ALK: variants seen among roughly 807,000 people sequenced by gnomAD.
The protein encoded by ALK is ALK tyrosine kinase receptor.
In ALK, 74 loss-of-function variants were observed where a neutral mutation model predicts 163.1. The observed-to-expected ratio is 0.45, with a 90% CI of 0.38 to 0.55. ALK has a LOEUF of 0.55. Among genes scored for constraint, ALK ranks in the 20% least tolerant of loss-of-function variants. The probability of loss-of-function intolerance (pLI) is 0.00; values close to 1 mark genes in which losing one functional copy is unlikely to be tolerated. For synonymous variants in ALK, 960 were observed against 843.2 expected, an observed-to-expected ratio of 1.14 and a Z score of -2.40; for missense variants, 2,063 against 2,105.3, an observed-to-expected ratio of 0.98 and a Z score of 0.39.
intron 4 of ALK, among the ~76,000 whole-genome samples, chr2:29,446,265 G>T (rs1280702559): frequency 6.6e-6 from 1 of 151,932 alleles, no homozygotes. Context: ...GAGCAACAAG[G>T]CTCTGAGGTC....
chr2:29,759,492 C>T (rs1265679350), intron 1 of ALK, among the ~76,000 whole-genome samples: 1 of 152,162 alleles, frequency 6.6e-6, no homozygotes, highest in African/African-American at 2.4e-5. Flanking sequence ...AGGAATGTCA[C>T]TTTGATTTAG....
chr2:29,718,359 T>G (rs1291677587), intron 1 of ALK, among the ~76,000 whole-genome samples: 1 of 152,222 alleles, frequency 6.6e-6, no homozygotes, highest in East Asian at 1.9e-4. Context: ...GTGGATTTTG[T>G]GTGGTGAAAA....
chr2:29,717,126 C>T (rs565995162), intron 2 of ALK, among the ~76,000 whole-genome samples: 11 of 141,078 alleles, frequency 7.8e-5, no homozygotes, highest in Middle Eastern at 3.8e-3. Flanking sequence ...GGGCCGAGAT[C>T]GTGCCACTGC....
At chr2:29,352,997 A>T (rs1170734123) in intron 5 of ALK, among the ~76,000 whole-genome samples, 2 of 150,208 alleles carry the variant, frequency 1.3e-5, no homozygotes, top group Non-Finnish European at 3.0e-5. Flanking sequence ...TTCCCAAAAC[A>T]AACCTCCTTC....
chr2:29,471,077 A>T (rs1671336485), intron 4 of ALK, among the ~76,000 whole-genome samples: 1 of 152,162 alleles, frequency 6.6e-6, no homozygotes, highest in Non-Finnish European at 1.5e-5. Context: ...TGGAATACAC[A>T]ATTAAGTAGG....
chr2:29,245,077 CT>C (rs1664624689), intron 12 of ALK, among the ~76,000 whole-genome samples: 1 of 148,282 alleles, frequency 6.7e-6, no homozygotes, highest in Admixed American at 6.7e-5. Flanking sequence ...GTATGGCTCA[CT>C]GCCCTGCACA....
At chr2:29,289,450 A>G (rs1410916328) in intron 9 of ALK, among the ~76,000 whole-genome samples, 1 of 152,208 alleles carries the variant, frequency 6.6e-6, no homozygotes, top group Non-Finnish European at 1.5e-5. Flanking sequence ...ATTTTCTCCC[A>G]GTTCAAAGAA....
At position 29,264,687 on chromosome 2, in the gene ALK, C is replaced by T. The variant is rs1161733623; in HGVS notation, c.2041+10412G>A. On this transcript the variant is annotated intron_variant, in intron 11 of 28. Coordinates refer to ENST00000389048, the MANE Select transcript of ALK (RefSeq NM_004304.5). ...AACAGAGTAGCCCAAATGCCATCTC[C>T]AAACCCACCTGAGTGGTCAGAAGGA... Among the ~76,000 whole-genome samples the T allele has an allele frequency of 2.0e-5, 3 of 152,222 alleles. No individual in the cohort carries two copies. In the East Asian group the frequency reaches 5.8e-4, roughly 29 times the overall value.
At chr2:29,442,853 G>C (rs1299448147) in intron 4 of ALK, among the ~76,000 whole-genome samples, 1 of 152,202 alleles carries the variant, frequency 6.6e-6, no homozygotes, top group African/African-American at 2.4e-5. Flanking sequence ...AAAACATAGT[G>C]TTAGACAAAT....
chr2:29,567,669 C>G lies in ALK; in HGVS notation c.953-35553G>C, dbSNP rs542358452. ...ATTGCACAGACTCCCCGAAACCATT[C>G]CCAAGGTGCGTCTGGCCACGTTTCC... On this transcript the variant is annotated intron_variant, in intron 3 of 28. Transcript: ENST00000389048. Among the ~76,000 whole-genome samples, 509 of 152,184 alleles carry G rather than the reference C, an allele frequency of 3.3e-3. 2 individuals are homozygous for G. Among genetic ancestry groups the G allele is most frequent in the Non-Finnish European group, 4.8e-3 (328 of 68,006 alleles).
At position 29,421,917 on chromosome 2, in the gene ALK, C is replaced by T. The variant is rs1364310517; in HGVS notation, c.1155-38058G>A. Reference sequence around the variant, plus strand: ...TATCTTGAGGAAGAACTTTTGTTTGCTAGAAATTCTAGAAAAGCAATTCAT... The same window carrying T: ...TATCTTGAGGAAGAACTTTTGTTTGTTAGAAATTCTAGAAAAGCAATTCAT... On this transcript the variant is annotated intron_variant, in intron 4 of 28. Transcript: ENST00000389048. Among the ~76,000 whole-genome samples, 2 of 151,670 alleles carry T rather than the reference C, an allele frequency of 1.3e-5. 1 individual carries two copies. Among genetic ancestry groups the T allele is most frequent in the Non-Finnish European group, 2.9e-5 (2 of 68,036 alleles).
At position 29,220,710 on chromosome 2, in the gene ALK, C is replaced by T. The variant is rs750194005; in HGVS notation, c.3641G>A (p.Arg1214His). 6.2e-6 allele frequency: 10 copies of T among 1,613,432 alleles called. No individual in the cohort carries two copies. The East Asian group carries it at 6.7e-5, about 11-fold the overall frequency. ...CAAAGACTGGTTCTCACTCACCGGG[C>T]GAGGGCGGGTCTCTCGGAGGAAGGA... Reference protein sequence around the residue: ...LKSFLRETRPRPSQPSSLAML... With the variant: ...LKSFLRETRPHPSQPSSLAML... The change falls in exon 23 of 29, where the codon CGC becomes CAC. Residue 1214 changes from arginine to histidine, a missense_variant. Arg to His is a conservative substitution (Grantham distance 29, BLOSUM62 0). Coordinates refer to ENST00000389048, the MANE Select transcript of ALK (RefSeq NM_004304.5).
chr2:29,441,025 G>T (rs1338641063), intron 4 of ALK, among the ~76,000 whole-genome samples: 2 of 152,158 alleles, frequency 1.3e-5, no homozygotes, highest in African/African-American at 4.8e-5. Context: ...CTTGGACTTG[G>T]ACTTCCCATC....
At chr2:29,454,016 C>T (rs1045676990) in intron 4 of ALK, among the ~76,000 whole-genome samples, 1 of 152,140 alleles carries the variant, frequency 6.6e-6, no homozygotes, top group Non-Finnish European at 1.5e-5. Flanking sequence ...AAGAGTTCTC[C>T]AGCTTTTGGT....
chr2:29,200,744 T>TATATGTAC, intron 26 of ALK, among the ~76,000 whole-genome samples: 1 of 108,798 alleles, frequency 9.2e-6, no homozygotes, highest in African/African-American at 6.2e-5. Flanking sequence ...TATATACGTA[T>TATATGTAC]ATATATACGT....
intron 4 of ALK, among the ~76,000 whole-genome samples, chr2:29,384,752 C>T (rs780122288): frequency 6.6e-6 from 1 of 152,014 alleles, no homozygotes; most frequent in Non-Finnish European, 1.5e-5. Flanking sequence ...TCCTTAAAAA[C>T]AATTTTATTG....
intron 1 of ALK, among the ~76,000 whole-genome samples, chr2:29,831,730 C>T (rs1163903609): frequency 6.6e-6 from 1 of 152,136 alleles, no homozygotes; most frequent in Non-Finnish European, 1.5e-5. Flanking sequence ...TCTCCAGATG[C>T]TAAATGACGA....
intron 8 of ALK, among the ~76,000 whole-genome samples, chr2:29,299,707 G>C (rs541564718): frequency 6.6e-6 from 1 of 152,110 alleles, no homozygotes; most frequent in Non-Finnish European, 1.5e-5. Flanking sequence ...CAAGAGAGGT[G>C]GATAAAAATG....
chr2:29,262,482 T>C (rs1309825712), intron 11 of ALK, among the ~76,000 whole-genome samples: 1 of 152,230 alleles, frequency 6.6e-6, no homozygotes, highest in African/African-American at 2.4e-5. Context: ...GTTCTTTGTG[T>C]ATGATGAGAA....
Sources: gnomAD v4.1 joint callset for allele counts (sites outside exome capture counted in the v4.1 genomes callset) on GRCh38, gnomAD v4.1.1 for gene constraint, MANE v1.5 for transcripts, NCBI Gene and HGNC (gene_info 2026-07-23, HGNC 2026-07-21) for gene names.